The following DPP6 variants were observed in gnomAD, a reference collection of about 807,000 sequenced individuals.
DPP6 encodes the protein A-type potassium channel modulatory protein DPP6.
In DPP6, 69 loss-of-function variants were observed where a neutral mutation model predicts 122.6. That is an observed-to-expected ratio of 0.56 (90% confidence interval 0.46 to 0.69). The LOEUF is 0.69. Among genes scored for constraint, DPP6 ranks in the 30% least tolerant of loss-of-function variants. The pLI, the probability that DPP6 is intolerant of heterozygous loss-of-function variation, is 0.00. For missense variants in DPP6, 928 were observed against 1,116.9 expected (o/e 0.83, Z 2.41); for synonymous variants, 418 against 433.1 (o/e 0.97, Z 0.43).
At chr7:154,565,914 A>G (rs1830717045) in intron 4 of DPP6, among the ~76,000 whole-genome samples, 1 of 152,206 alleles carries the variant, frequency 6.6e-6, no homozygotes, top group Non-Finnish European at 1.5e-5. Context: ...CAAGTCAGCA[A>G]TGTGGGCTCT....
intron 10 of DPP6, among the ~76,000 whole-genome samples, chr7:154,785,474 A>C (rs1025321669): frequency 6.6e-6 from 1 of 152,204 alleles, no homozygotes; most frequent in African/African-American, 2.4e-5. Flanking sequence ...TGTGGATTTT[A>C]TTCTCTATGT....
the DPP6 span, among the ~76,000 whole-genome samples, chr7:153,855,528 C>T: frequency 3.2e-4 from 48 of 152,286 alleles, no homozygotes; most frequent in African/African-American, 1.1e-3. Context: ...AAACTTCATG[C>T]ATTAATTTTG....
intron 1 of DPP6, chr7:154,305,467 C>T (rs1336872429): frequency 6.3e-7 from 1 of 1,577,132 alleles, no homozygotes; most frequent in Admixed American, 1.8e-5. Context: ...CCCACCTGCC[C>T]CGGTGGTGGG....
chr7:154,749,095 CTGAGAGAGGG>C (rs1343351916), intron 8 of DPP6, among the ~76,000 whole-genome samples: 16 of 144,950 alleles, frequency 1.1e-4, no homozygotes, highest in Middle Eastern at 7.9e-3. Context: ...GGAGGCTTTA[CTGAGAGAGGG>C]TGAGAGAGCA....
At chr7:154,305,335 T>TGGGCCCC in intron 1 of DPP6, 18 of 1,024,750 alleles carry the variant, frequency 1.8e-5, no homozygotes, top group Middle Eastern at 4.8e-4. Flanking sequence ...TCGTCTTGTC[T>TGGGCCCC]ACCCACCCTC....
chr7:154,308,752 G>C (rs1341540152), intron 1 of DPP6, among the ~76,000 whole-genome samples: 1 of 152,010 alleles, frequency 6.6e-6, no homozygotes, highest in Non-Finnish European at 1.5e-5. Flanking sequence ...ATAAATAAAA[G>C]TACAAATTTA....
At chr7:154,496,180 C>A (rs1208530685) in intron 3 of DPP6, among the ~76,000 whole-genome samples, 1 of 151,726 alleles carries the variant, frequency 6.6e-6, no homozygotes, top group East Asian at 1.9e-4. Context: ...TTTTTCCTCT[C>A]TGGAATAAAT....
At chr7:154,169,041 G>A (rs1253091724) in intron 1 of DPP6, among the ~76,000 whole-genome samples, 1 of 152,158 alleles carries the variant, frequency 6.6e-6, no homozygotes, top group Non-Finnish European at 1.5e-5. Flanking sequence ...TAGGGACAGC[G>A]GGATGGGGGC....
At chr7:154,745,750 G>A (rs1043978720) in intron 8 of DPP6, among the ~76,000 whole-genome samples, 1 of 152,188 alleles carries the variant, frequency 6.6e-6, no homozygotes, top group Non-Finnish European at 1.5e-5. Flanking sequence ...TTTAGGAGGT[G>A]CCAGGCTCTT....
intron 1 of DPP6, among the ~76,000 whole-genome samples, chr7:154,236,173 G>A (rs2150862379): frequency 6.6e-6 from 1 of 152,204 alleles, no homozygotes; most frequent in South Asian, 2.1e-4. Flanking sequence ...TCTTTAAAAT[G>A]AGATTAATAA....
intron 1 of DPP6, among the ~76,000 whole-genome samples, chr7:154,099,018 A>G (rs917973309): frequency 3.3e-5 from 5 of 152,228 alleles, no homozygotes; most frequent in African/African-American, 1.2e-4. Context: ...GATTTGTTCT[A>G]ATATACTGAT....
At chr7:154,179,992 A>G (rs1188424939) in intron 1 of DPP6, among the ~76,000 whole-genome samples, 1 of 152,206 alleles carries the variant, frequency 6.6e-6, no homozygotes, top group Non-Finnish European at 1.5e-5. Context: ...ATTTCGGTTT[A>G]AAAATGTTGA....
chr7:154,491,071 T>A (rs550684342), intron 3 of DPP6, among the ~76,000 whole-genome samples: 4 of 152,258 alleles, frequency 2.6e-5, no homozygotes, highest in African/African-American at 7.2e-5. Flanking sequence ...ATCAGAGGGG[T>A]GCATGGCAAC....
At chr7:154,546,385 G>A (rs1270166274) in intron 4 of DPP6, among the ~76,000 whole-genome samples, 1 of 151,038 alleles carries the variant, frequency 6.6e-6, no homozygotes, top group Non-Finnish European at 1.5e-5. Context: ...TAAAAATTTT[G>A]GTTTCATCTT....
chr7:153,978,802 G>A (rs892009969), intron 1 of DPP6, among the ~76,000 whole-genome samples: 1 of 152,100 alleles, frequency 6.6e-6, no homozygotes, highest in Non-Finnish European at 1.5e-5. Context: ...TATTAAATAG[G>A]TAATCGTTTC....
intron 1 of DPP6, among the ~76,000 whole-genome samples, chr7:154,330,762 C>T (rs1204472962): frequency 6.6e-6 from 1 of 152,210 alleles, no homozygotes; most frequent in Non-Finnish European, 1.5e-5. Flanking sequence ...AAGAAGTCGC[C>T]TGCGGTGTTC....
chr7:153,782,444 T>A, the DPP6 span, among the ~76,000 whole-genome samples: 1 of 152,092 alleles, frequency 6.6e-6, no homozygotes, highest in Non-Finnish European at 1.5e-5. Context: ...ACCAAGAGCA[T>A]CACAGAGAAA....
chr7:154,017,939 GTTTA>G (rs1193165900), intron 1 of DPP6, among the ~76,000 whole-genome samples: 1 of 152,110 alleles, frequency 6.6e-6, no homozygotes, highest in Non-Finnish European at 1.5e-5. Flanking sequence ...TAAATGTTAT[GTTTA>G]TTTTATATTG....
chr7:154,809,442 C>A (rs978436119), intron 16 of DPP6, among the ~76,000 whole-genome samples: 1 of 152,124 alleles, frequency 6.6e-6, no homozygotes, highest in African/African-American at 2.4e-5. Flanking sequence ...ACTCTTCAGC[C>A]ATGAGCGGGT....
Sources: allele counts gnomAD v4.1 joint callset (sites outside exome capture counted in the v4.1 genomes callset), GRCh38; gene constraint gnomAD v4.1.1; transcripts MANE v1.5; gene names NCBI Gene and HGNC (gene_info 2026-07-23, HGNC 2026-07-21).